ZNF431: variants seen among roughly 807,000 people sequenced by gnomAD.
The protein encoded by ZNF431 is zinc finger protein 431.
A neutral mutation model predicts 57.0 loss-of-function variants in ZNF431; 34 were observed. The ratio of observed to expected loss-of-function variants is 0.60; its 90% CI spans 0.45 to 0.79. The LOEUF is 0.79. Among genes scored for constraint, ZNF431 ranks in the 30% least tolerant of loss-of-function variants. The probability of loss-of-function intolerance (pLI) is 0.00; values close to 1 mark genes in which losing one functional copy is unlikely to be tolerated. For synonymous variants in ZNF431, 207 were observed against 220.3 expected, an observed-to-expected ratio of 0.94 and a Z score of 0.54; for missense variants, 607 against 667.1, an observed-to-expected ratio of 0.91 and a Z score of 0.99.
At position 21,182,762 on chromosome 19, in the gene ZNF431, G is replaced by T. The variant is rs780015767; in HGVS notation, c.459G>T (p.Glu153Asp). The T allele has an allele frequency of 6.2e-6, 10 of 1,613,686 alleles. No homozygotes were observed. The change falls in exon 5 of 5, where the codon GAG (glutamate) becomes GAT (aspartate). Residue 153 changes from glutamate to aspartate, a missense_variant. By Grantham distance (45) the Glu-to-Asp change is conservative. Coordinates refer to ENST00000311048, the MANE Select transcript of ZNF431 (RefSeq NM_133473.4). ...GAAAAGGCTCCGCAAGTGTAGATGAGTATAAGGTGCACAAAGAAGGTTATA... is the reference window on the plus strand; with the variant it reads ...GAAAAGGCTCCGCAAGTGTAGATGATTATAAGGTGCACAAAGAAGGTTATA... Reference protein sequence around the residue: ...QLRKGSASVDEYKVHKEGYNE... With the variant: ...QLRKGSASVDDYKVHKEGYNE...
intron 2 of ZNF431, among the ~76,000 whole-genome samples, chr19:21,152,868 A>G (rs193148828): frequency 7.2e-5 from 11 of 152,316 alleles, no homozygotes; most frequent in Non-Finnish European, 1.5e-5. Context: ...ACCGGAAAGA[A>G]GTTCTGATCC....
intron 2 of ZNF431, among the ~76,000 whole-genome samples, chr19:21,153,510 A>G (rs80024883): frequency 0.021 from 2,614 of 124,618 alleles, no homozygotes; most frequent in South Asian, 0.029. Flanking sequence ...AAGGATGAAG[A>G]ATTTTATTAA....
Position 21,189,287 on chromosome 19 carries a change from C to T in ZNF431, c.*5253C>T, listed in dbSNP as rs1971455027. 6.6e-6 allele frequency: 1 copy of T among 152,078 alleles called. No homozygotes were observed. Among genetic ancestry groups the T allele is most frequent in the Non-Finnish European group, 1.5e-5 (1 of 68,022 alleles). 9.4% of individuals were successfully genotyped at this position (152,078 alleles called of 1,614,324 possible). ...ATCACATGAGGTCAGGAGTTCGGGA[C>T]CAGCCTGGCGACCATGGGGAAACCC... On this transcript the variant is annotated 3_prime_UTR_variant, in exon 5 of 5. Coordinates refer to ENST00000311048, the MANE Select transcript of ZNF431 (RefSeq NM_133473.4).
chr19:21,184,151 A>T lies in ZNF431; in HGVS notation c.*117A>T. 1.2e-6 allele frequency: 1 copy of T among 868,472 alleles called. No individual in the cohort carries two copies. The highest frequency in any genetic ancestry group is 2.0e-5 in the South Asian group (1 of 50,260). 53.8% of individuals were successfully genotyped at this position (868,472 alleles called of 1,614,324 possible). ...TGGATCACAAGGTCAAGAGATCGAG[A>T]CCATCCTGGCCAACATGGTGAAACC... On this transcript the variant is annotated 3_prime_UTR_variant, in exon 5 of 5. Coordinates refer to ENST00000311048, the MANE Select transcript of ZNF431 (RefSeq NM_133473.4).
chr19:21,149,789 C>T, intron 2 of ZNF431: 1 of 637,198 alleles, frequency 1.6e-6, no homozygotes, highest in Non-Finnish European at 2.9e-6. Context: ...GATAGCTTCC[C>T]CCAGCTTAGC....
intron 2 of ZNF431, among the ~76,000 whole-genome samples, chr19:21,145,836 A>G (rs1418839499): frequency 6.6e-6 from 1 of 152,202 alleles, no homozygotes; most frequent in Non-Finnish European, 1.5e-5. Flanking sequence ...GGAGGAGCAA[A>G]CAGGATTAGA....
At position 21,194,585 on chromosome 19, in the gene ZNF431, C is replaced by T. The variant is rs12151204; in HGVS notation, c.*10551C>T. The stretch of plus-strand genomic sequence containing the variant: ...CTGGGTTCAAGTGAGTCTCCTACCT[C>T]AGCCTCCCAAGTAGCTGGGATTACA... On this transcript the variant is annotated 3_prime_UTR_variant, in exon 5 of 5. Transcript: ENST00000311048. 0.14 allele frequency: 20,945 copies of T among 151,864 alleles called. 1,565 individuals carry two copies. Among genetic ancestry groups the T allele is most frequent in the African/African-American group, 0.17 (6,863 of 41,368 alleles). 9.4% of individuals were successfully genotyped at this position (151,864 alleles called of 1,614,324 possible). A position where few individuals can be genotyped will look rare whatever the true frequency, so the allele number is the denominator to read the frequency against.
Position 21,183,872 on chromosome 19 carries a change from A to G in ZNF431, c.1569A>G (p.Gln523=), listed in dbSNP as rs139412489. The G allele has an allele frequency of 1.2e-4, 187 of 1,613,934 alleles. No homozygotes were observed. In the African/African-American group the frequency reaches 2.1e-3, roughly 18 times the overall value. The part of the protein sequence containing the change: ...KCEECGKAFN[Q]SSTLTKHRKI... ...AAGAATGTGGTAAAGCCTTTAACCA[A>G]TCCTCAACTCTTACTAAACATAGGA... Residue 523 remains glutamine, a synonymous_variant, in exon 5 of 5, where the codon CAA becomes CAG. Transcript: ENST00000311048.
chr19:21,146,470 A>G (rs1337969597), intron 2 of ZNF431, among the ~76,000 whole-genome samples: 3 of 151,934 alleles, frequency 2.0e-5, no homozygotes, highest in Non-Finnish European at 2.9e-5. Context: ...GGCTTACTCC[A>G]TAGGCAGAGC....
At chr19:21,145,204 G>A (rs1487127128) in intron 2 of ZNF431, among the ~76,000 whole-genome samples, 2 of 152,110 alleles carry the variant, frequency 1.3e-5, no homozygotes, top group African/African-American at 2.4e-5. Flanking sequence ...CCACCTATGC[G>A]GTGGCTCATG....
rs1382285359 is a variant in ZNF431, at chr19:21,186,560, C to G, written c.*2526C>G. ...CTAAAAACCTAAAAAATGCTGAAAGCAAATGTATACTTTTTGGTTTGTATT... is the reference window on the plus strand; with the variant it reads ...CTAAAAACCTAAAAAATGCTGAAAGGAAATGTATACTTTTTGGTTTGTATT... On this transcript the variant is annotated 3_prime_UTR_variant, in exon 5 of 5. Coordinates refer to ENST00000311048, the MANE Select transcript of ZNF431 (RefSeq NM_133473.4). 1 of 152,130 alleles carries G rather than the reference C, an allele frequency of 6.6e-6. No individual in the cohort carries two copies. Among genetic ancestry groups the G allele is most frequent in the Non-Finnish European group, 1.5e-5 (1 of 68,012 alleles). The allele number at this position is 152,130 out of a possible 1,614,324, so 9.4% of individuals were successfully genotyped here. A position where few individuals can be genotyped will look rare whatever the true frequency, so the allele number is the denominator to read the frequency against.
intron 2 of ZNF431, among the ~76,000 whole-genome samples, chr19:21,159,982 CT>C (rs11291342): frequency 0.91 from 114,650 of 126,326 alleles, 52,164 homozygotes; most frequent in Non-Finnish European, 0.94. Flanking sequence ...TTGCCTCAGC[CT>C]TTTTTTTTTT....
At chr19:21,178,012 T>A (rs545242948) in intron 4 of ZNF431, among the ~76,000 whole-genome samples, 3 of 152,296 alleles carry the variant, frequency 2.0e-5, no homozygotes, top group Admixed American at 6.5e-5. Context: ...TGGTTTGTAG[T>A]TCTCCTTGAA....
intron 2 of ZNF431, chr19:21,150,060 G>T: frequency 1.6e-6 from 1 of 623,544 alleles, no homozygotes; most frequent in Non-Finnish European, 3.0e-6. Context: ...CTCTTAATAA[G>T]GATGTCCCCT....
At chr19:21,143,153 G>A (rs781408387) in intron 1 of ZNF431, among the ~76,000 whole-genome samples, 1 of 151,920 alleles carries the variant, frequency 6.6e-6, no homozygotes, top group Admixed American at 6.6e-5. Flanking sequence ...TCGCCTATTT[G>A]TCTTTTAGTG....
intron 4 of ZNF431, among the ~76,000 whole-genome samples, chr19:21,176,302 G>A (rs1971051912): frequency 6.8e-6 from 1 of 148,008 alleles, no homozygotes; most frequent in African/African-American, 2.5e-5. Context: ...ATGCAATGGT[G>A]CAAACTCAGC....
In ZNF431 at chr19:21,194,153, A is replaced by T. The variant is rs1214062008; in HGVS notation, c.*10119A>T. 6.6e-6 allele frequency: 1 copy of T among 152,234 alleles called. No homozygotes were observed. The highest frequency in any genetic ancestry group is 1.9e-4 in the East Asian group (1 of 5,198). 9.4% of individuals were successfully genotyped at this position (152,234 alleles called of 1,614,324 possible). ...GACTCCTAAGGTTAAAAATGACTTC[A>T]GCAAAGTCTCAGGATACAAAATTGA... On this transcript the variant is annotated 3_prime_UTR_variant, in exon 5 of 5. Transcript: ENST00000311048.
At position 21,177,849 on chromosome 19, in the gene ZNF431, A is replaced by AT. The variant is rs373231033; in HGVS notation, c.320-4762dup. 8.2e-4 allele frequency among the ~76,000 whole-genome samples: 122 copies of AT among 147,934 alleles called. 1 individual carries two copies. The highest frequency in any genetic ancestry group is 2.2e-3 in the African/African-American group (89 of 40,496). Reference sequence around the variant, plus strand: ...TTTTGGGTTTTCATATGAGTTTTAAATTTTTTTTTTTTCTAATTCTGTGAA... The same window carrying AT: ...TTTTGGGTTTTCATATGAGTTTTAAATTTTTTTTTTTTTCTAATTCTGTGAA... On this transcript the variant is annotated intron_variant, in intron 4 of 4. Transcript: ENST00000311048.
At chr19:21,175,043 C>T (rs1052932055) in intron 4 of ZNF431, among the ~76,000 whole-genome samples, 4 of 151,712 alleles carry the variant, frequency 2.6e-5, no homozygotes, top group Non-Finnish European at 1.5e-5. Context: ...AGGCATGAGC[C>T]GCTGCACCTG....
Sources: gnomAD v4.1 joint callset for allele counts (sites outside exome capture counted in the v4.1 genomes callset) on GRCh38, gnomAD v4.1.1 for gene constraint, MANE v1.5 for transcripts, NCBI Gene and HGNC (gene_info 2026-07-23, HGNC 2026-07-21) for gene names.